The following XPR1 variants were observed in gnomAD, a reference collection of about 807,000 sequenced individuals.
The protein encoded by XPR1 is solute carrier family 53 member 1.
A neutral mutation model predicts 87.5 loss-of-function variants in XPR1; 28 were observed. That is an observed-to-expected ratio of 0.32 (90% CI 0.24 to 0.44). The LOEUF is 0.44. Among genes scored for constraint, XPR1 ranks in the 20% least tolerant of loss-of-function variants. XPR1 has a pLI of 1.00. For synonymous variants in XPR1, 300 were observed against 306.1 expected (o/e 0.98, Z 0.21); for missense variants, 559 against 862.3 (o/e 0.65, Z 4.41).
chr1:180,637,050 C>CAAAAAAAAA (rs34479247), intron 1 of XPR1, among the ~76,000 whole-genome samples: 3 of 81,600 alleles, frequency 3.7e-5, no homozygotes, highest in African/African-American at 5.0e-5. Context: ...GACTTCATCT[C>CAAAAAAAAA]AAAAAAAAAA....
intron 1 of XPR1, among the ~76,000 whole-genome samples, chr1:180,636,905 A>T (rs1191544345): frequency 6.6e-6 from 1 of 152,118 alleles, no homozygotes; most frequent in Non-Finnish European, 1.5e-5. Flanking sequence ...TACAAAAATT[A>T]GCTGAGTGTG....
chr1:180,853,142 GGTCTTGA>G (rs897258649), intron 11 of XPR1, among the ~76,000 whole-genome samples: 11 of 152,108 alleles, frequency 7.2e-5, no homozygotes, highest in African/African-American at 2.4e-4. Flanking sequence ...TAGCCAAGCT[GGTCTTGA>G]ACTCCTGACC....
intron 1 of XPR1, among the ~76,000 whole-genome samples, chr1:180,674,749 T>C (rs1420439091): frequency 1.3e-5 from 2 of 152,080 alleles, no homozygotes; most frequent in African/African-American, 2.4e-5. Flanking sequence ...CACTCTGTTA[T>C]GCTTGTCTGA....
At chr1:180,836,797 T>G (rs1416274106) in intron 11 of XPR1, 81 bp downstream of exon 11, 2 of 1,499,524 alleles carry the variant, frequency 1.3e-6, no homozygotes, top group African/African-American at 2.8e-5. Context: ...CTGGCTACTT[T>G]TCCATTTGTC....
At chr1:180,880,520 T>G (rs1411024522) in intron 14 of XPR1, among the ~76,000 whole-genome samples, 2 of 152,254 alleles carry the variant, frequency 1.3e-5, no homozygotes, top group Non-Finnish European at 2.9e-5. Context: ...ACCTAGTAAT[T>G]TGGCACTAAA....
intron 7 of XPR1, among the ~76,000 whole-genome samples, chr1:180,814,378 A>G (rs1050715144): frequency 3.9e-5 from 6 of 152,214 alleles, no homozygotes; most frequent in Non-Finnish European, 5.9e-5. Context: ...CATAGAATAC[A>G]TGAAAATAAT....
intron 2 of XPR1, among the ~76,000 whole-genome samples, chr1:180,693,369 A>T (rs993123389): frequency 6.6e-6 from 1 of 152,236 alleles, no homozygotes; most frequent in Non-Finnish European, 1.5e-5. Context: ...AGTATTAGGT[A>T]TCATTGAATA....
chr1:180,817,172 G>C (rs1240673870), intron 7 of XPR1, among the ~76,000 whole-genome samples: 1 of 152,078 alleles, frequency 6.6e-6, no homozygotes, highest in African/African-American at 2.4e-5. Flanking sequence ...CGTCTATATT[G>C]TTATACAGTA....
intron 7 of XPR1, among the ~76,000 whole-genome samples, chr1:180,818,119 T>C (rs1471110316): frequency 6.6e-6 from 1 of 152,180 alleles, no homozygotes; most frequent in Non-Finnish European, 1.5e-5. Flanking sequence ...TCTTGAAAGA[T>C]AATAGACAAA....
intron 2 of XPR1, among the ~76,000 whole-genome samples, chr1:180,702,901 C>G (rs1313112416): frequency 1.3e-5 from 2 of 152,084 alleles, no homozygotes; most frequent in Non-Finnish European, 2.9e-5. Flanking sequence ...TCTGATTTAA[C>G]AGTCACTTCT....
At chr1:180,781,775 C>T (rs1007657860) in intron 2 of XPR1, among the ~76,000 whole-genome samples, 3 of 151,860 alleles carry the variant, frequency 2.0e-5, no homozygotes, top group East Asian at 1.9e-4. Flanking sequence ...CCCATTAACT[C>T]GTCATTTAGC....
intron 1 of XPR1, among the ~76,000 whole-genome samples, chr1:180,637,420 C>T (rs920918680): frequency 4.6e-5 from 7 of 152,122 alleles, no homozygotes; most frequent in African/African-American, 1.4e-4. Context: ...AAGTGAACAA[C>T]AAGAAAATGA....
intron 2 of XPR1, among the ~76,000 whole-genome samples, chr1:180,695,995 T>G (rs1332128670): frequency 6.6e-6 from 1 of 151,892 alleles, no homozygotes; most frequent in Non-Finnish European, 1.5e-5. Flanking sequence ...ATAGGGATTG[T>G]ATTGAATCTG....
At chr1:180,805,150 A>G (rs1571854585) in intron 4 of XPR1, among the ~76,000 whole-genome samples, 2 of 152,332 alleles carry the variant, frequency 1.3e-5, no homozygotes, top group South Asian at 2.1e-4. Flanking sequence ...GCTATCTCTA[A>G]GTCATGATGT....
chr1:180,840,223 C>CT (rs1160989234), intron 11 of XPR1, among the ~76,000 whole-genome samples: 4 of 61,554 alleles, frequency 6.5e-5, no homozygotes, highest in Non-Finnish European at 1.2e-4. Context: ...GAGCGAGACT[C>CT]TGTCTCAAAA....
intron 2 of XPR1, among the ~76,000 whole-genome samples, chr1:180,765,966 G>T (rs1021392384): frequency 1.3e-5 from 2 of 151,600 alleles, no homozygotes; most frequent in East Asian, 1.9e-4. Context: ...AAATTTAAGA[G>T]ACAGTAGGAA....
rs1325922061 is a variant in XPR1 at position 180,659,377 on chromosome 1, TTCCG to T, written c.70-22979_70-22976del. 5.2e-3 allele frequency among the ~76,000 whole-genome samples: 481 copies of T among 91,918 alleles called. 4 individuals carry two copies. The highest frequency in any genetic ancestry group is 8.4e-3 in the African/African-American group (181 of 21,638). The allele number at this position is 91,918 out of a possible 152,430, so 60.3% of individuals were successfully genotyped here. A position where few individuals can be genotyped will look rare whatever the true frequency, so the allele number is the denominator to read the frequency against. The stretch of plus-strand genomic sequence containing the variant: ...CGTCCTTCCGTCCTTCCGTCCGTCC[TTCCG>T]TCCTTCCTTCCTTCCTTCCTTCCTT... On this transcript the variant is annotated intron_variant, in intron 1 of 14. Transcript: ENST00000367590.
At chr1:180,846,154 C>T (rs1482614224) in intron 11 of XPR1, among the ~76,000 whole-genome samples, 4 of 150,548 alleles carry the variant, frequency 2.7e-5, no homozygotes, top group African/African-American at 7.3e-5. Flanking sequence ...TCCAGCTACT[C>T]GGGAGGCCAA....
intron 2 of XPR1, among the ~76,000 whole-genome samples, chr1:180,716,749 G>A (rs1338717976): frequency 6.6e-6 from 1 of 152,112 alleles, no homozygotes; most frequent in Non-Finnish European, 1.5e-5. Context: ...TCTGGAATTA[G>A]GTCTTTTACC....
Sources: allele counts gnomAD v4.1 joint callset (sites outside exome capture counted in the v4.1 genomes callset), GRCh38; gene constraint gnomAD v4.1.1; transcripts MANE v1.5; gene names NCBI Gene and HGNC (gene_info 2026-07-23, HGNC 2026-07-21).